STK3: variants seen among roughly 807,000 people sequenced by gnomAD.
STK3 encodes the protein serine/threonine kinase 3, also known as serine/threonine-protein kinase 3.
In STK3, 41 loss-of-function variants were observed where a neutral mutation model predicts 58.0. The observed-to-expected ratio is 0.71, with a 90% confidence interval of 0.55 to 0.92. STK3 has a LOEUF of 0.92. Ranked by LOEUF, STK3 falls within the 40% of genes least tolerant of loss-of-function variation. The pLI is 0.00. For missense variants in STK3, 479 were observed against 602.7 expected, an observed-to-expected ratio of 0.79 and a Z score of 2.15; for synonymous variants, 170 against 191.0, an observed-to-expected ratio of 0.89 and a Z score of 0.91.
intron 3 of STK3, among the ~76,000 whole-genome samples, chr8:98,763,279 C>A (rs1830743459): frequency 6.6e-6 from 1 of 152,176 alleles, no homozygotes; most frequent in African/African-American, 2.4e-5. Context: ...TGGTACTGAA[C>A]TAGGCACTGC....
the STK3 span, among the ~76,000 whole-genome samples, chr8:98,346,014 GGGT>G: frequency 6.6e-6 from 1 of 152,032 alleles, no homozygotes; most frequent in African/African-American, 2.4e-5. Context: ...CGGGCATGGT[GGGT>G]GCTCACACCT....
chr8:98,896,128 A>G (rs1307736322), intron 1 of STK3, among the ~76,000 whole-genome samples: 2 of 152,102 alleles, frequency 1.3e-5, no homozygotes, highest in African/African-American at 4.8e-5. Flanking sequence ...CCCTAGTACA[A>G]CTGCCTTCAT....
chr8:98,429,479 A>G, intron 3 of STK3: 1 of 1,182,746 alleles, frequency 8.5e-7, no homozygotes, highest in Non-Finnish European at 1.2e-6. Flanking sequence ...GGCACAGCCC[A>G]GGCACCTTAT....
At chr8:98,438,126 T>C (rs1463080929) in intron 1 of STK3, 1 of 152,228 alleles carries the variant, frequency 6.6e-6, no homozygotes, top group Admixed American at 6.5e-5. Context: ...CTATGTAATT[T>C]TCCAATTTTA....
At chr8:98,875,789 A>G (rs1837542175) in intron 3 of STK3, 1 of 152,204 alleles carries the variant, frequency 6.6e-6, no homozygotes, top group Admixed American at 6.5e-5. Flanking sequence ...TGTGCCAAAT[A>G]TATGGTGTAT....
intron 9 of STK3, among the ~76,000 whole-genome samples, chr8:98,541,417 T>TC (rs762656194): frequency 6.6e-6 from 1 of 152,074 alleles, no homozygotes; most frequent in Admixed American, 6.5e-5. Flanking sequence ...AGCTTCCCCG[T>TC]CCCCTTCCAC....
At chr8:98,777,377 C>T (rs1831766437) in intron 1 of STK3, among the ~76,000 whole-genome samples, 1 of 151,784 alleles carries the variant, frequency 6.6e-6, no homozygotes, top group Non-Finnish European at 1.5e-5. Flanking sequence ...AAATACAAAA[C>T]GTTTGGTGGG....
chr8:98,486,956 T>C (rs1355722066), intron 10 of STK3, among the ~76,000 whole-genome samples: 7 of 152,194 alleles, frequency 4.6e-5, no homozygotes, highest in African/African-American at 1.4e-4. Flanking sequence ...CATATATTTG[T>C]CTACTGCTGC....
At chr8:98,365,398 G>T in the STK3 span, among the ~76,000 whole-genome samples, 1 of 152,168 alleles carries the variant, frequency 6.6e-6, no homozygotes, top group African/African-American at 2.4e-5. Flanking sequence ...TGACATTCTT[G>T]ATTCTAACTC....
At chr8:98,430,881 C>T (rs964452397) in intron 3 of STK3, 2 of 167,118 alleles carry the variant, frequency 1.2e-5, no homozygotes, top group Non-Finnish European at 2.9e-5. Flanking sequence ...AGGGAGACGA[C>T]TGTTTCCTCC....
intron 10 of STK3, among the ~76,000 whole-genome samples, chr8:98,460,586 C>T (rs1819874696): frequency 6.6e-6 from 1 of 152,202 alleles, no homozygotes; most frequent in Admixed American, 6.5e-5. Context: ...ACTCAAATCT[C>T]ATCTTGAAGT....
chr8:98,478,674 G>A (rs761424524), intron 10 of STK3, among the ~76,000 whole-genome samples: 1 of 152,086 alleles, frequency 6.6e-6, no homozygotes, highest in Non-Finnish European at 1.5e-5. Flanking sequence ...TTTCAGTTTC[G>A]GAGCCTCTAA....
At chr8:98,865,066 C>A (rs1837084218) in intron 3 of STK3, among the ~76,000 whole-genome samples, 1 of 152,128 alleles carries the variant, frequency 6.6e-6, no homozygotes, top group African/African-American at 2.4e-5. Flanking sequence ...TTTTGCAGGG[C>A]AACCAATAGA....
chr8:98,904,625 A>G (rs1349386845), intron 1 of STK3: 4 of 610,528 alleles, frequency 6.6e-6, no homozygotes, highest in Non-Finnish European at 1.3e-5. Context: ...GGCTCGGTCC[A>G]TATAGTGCTC....
chr8:98,447,663 A>C (rs1018022221), intron 1 of STK3, among the ~76,000 whole-genome samples: 13 of 146,684 alleles, frequency 8.9e-5, no homozygotes, highest in African/African-American at 3.0e-4. Flanking sequence ...GTATATTGCA[A>C]TACTATATAT....
chr8:98,728,167 T>TG (rs1416034041), intron 4 of STK3, among the ~76,000 whole-genome samples: 1 of 152,186 alleles, frequency 6.6e-6, no homozygotes, highest in Non-Finnish European at 1.5e-5. Context: ...ACAGCACAGC[T>TG]GTTCAGTTAA....
At chr8:98,571,244 C>T (rs377571899) in intron 8 of STK3, among the ~76,000 whole-genome samples, 49 of 152,186 alleles carry the variant, frequency 3.2e-4, no homozygotes, top group African/African-American at 1.1e-3. Context: ...GCAGGAGAAT[C>T]GCTTGAACCC....
intron 1 of STK3, among the ~76,000 whole-genome samples, chr8:98,798,033 A>T (rs985724703): frequency 2.0e-5 from 3 of 152,216 alleles, no homozygotes; most frequent in African/African-American, 7.2e-5. Flanking sequence ...AAAATTGACA[A>T]TTGTGCCTTA....
rs564686042 is a variant in STK3 at position 98,461,988 on chromosome 8, G to A, written c.1318-5988C>T. On this transcript the variant is annotated intron_variant, in intron 10 of 10. Coordinates refer to ENST00000419617, the MANE Select transcript of STK3 (RefSeq NM_006281.4). ...CTTTTTTTTTTTGTGGGTGCATACC[G>A]GGTACCTGAAATGTTTTGATACTGG... Among the ~76,000 whole-genome samples, 101 of 151,878 alleles carry A rather than the reference G, an allele frequency of 6.7e-4. 3 individuals are homozygous for A. The highest frequency in any genetic ancestry group is 1.5e-3 in the East Asian group (8 of 5,164).
Sources: allele counts gnomAD v4.1 joint callset (sites outside exome capture counted in the v4.1 genomes callset), GRCh38; gene constraint gnomAD v4.1.1; transcripts MANE v1.5; gene names NCBI Gene and HGNC (gene_info 2026-07-23, HGNC 2026-07-21).